Variants in TECPR2 observed in about 807,000 individuals in gnomAD.
The protein encoded by TECPR2 is tectonin beta-propeller repeat containing 2.
A neutral mutation model predicts 138.1 loss-of-function variants in TECPR2; 65 were observed. The ratio of observed to expected loss-of-function variants is 0.47; its 90% confidence interval spans 0.39 to 0.58. The LOEUF is 0.58. TECPR2 is among the 20% of genes least tolerant of loss of function. The pLI, the probability that TECPR2 is intolerant of heterozygous loss-of-function variation, is 0.00. For missense variants in TECPR2, 1,553 were observed against 1,824.5 expected (o/e 0.85, Z 2.71); for synonymous variants, 746 against 749.8 (o/e 0.99, Z 0.08).
chr14:102,453,582 TTC>T (rs1487869163), intron 16 of TECPR2, among the ~76,000 whole-genome samples: 2 of 152,180 alleles, frequency 1.3e-5, no homozygotes, highest in African/African-American at 2.4e-5. Flanking sequence ...AACATTAGAT[TTC>T]TCTCTGAGTA....
Position 102,499,525 on chromosome 14 carries a change from C to T in TECPR2, c.*1268C>T, listed in dbSNP as rs1057511608. On this transcript the variant is annotated 3_prime_UTR_variant, in exon 20 of 20. Transcript: ENST00000359520. ...ACTGGCAGGGCGGTCACGGGACCTG[C>T]GGGCTGGCTCCGAGTGGCAGCCCAT... 13 of 421,612 alleles carry T rather than the reference C, an allele frequency of 3.1e-5. No homozygotes were observed. The highest frequency in any genetic ancestry group is 4.8e-5 in the Non-Finnish European group (11 of 229,780). The allele number at this position is 421,612 out of a possible 1,614,324, so 26.1% of individuals were successfully genotyped here.
At chr14:102,496,904 C>G (rs750761826) in intron 17 of TECPR2, 75 bp from the exon 18 acceptor site, 82 of 1,572,498 alleles carry the variant, frequency 5.2e-5, no homozygotes, top group Admixed American at 1.2e-4. Flanking sequence ...AACATGTCCC[C>G]AGTTCCGGAA....
chr14:102,384,002 A>C (rs117242207), intron 2 of TECPR2, among the ~76,000 whole-genome samples: 5,993 of 150,438 alleles, frequency 0.04, 137 homozygotes, highest in Middle Eastern at 0.088. Flanking sequence ...CTCACTGCAA[A>C]CTCTGCCTCC....
At position 102,365,206 on chromosome 14, in the gene TECPR2, A is replaced by G. The variant is rs190737487; in HGVS notation, c.-73+2090A>G. Among the ~76,000 whole-genome samples, 288 of 152,350 alleles carry G rather than the reference A, an allele frequency of 1.9e-3. 1 individual carries two copies. Among genetic ancestry groups the G allele is most frequent in the African/African-American group, 6.6e-3 (276 of 41,570 alleles). ...TTATTGGTCTTTTAAAGCACCACAA[A>G]GTATACAGACTAGAAGAACATAGGT... On this transcript the variant is annotated intron_variant, in intron 1 of 19. Transcript: ENST00000359520.
chr14:102,373,967 C>G (rs1013261606), intron 1 of TECPR2, among the ~76,000 whole-genome samples: 4 of 151,298 alleles, frequency 2.6e-5, no homozygotes, highest in Non-Finnish European at 5.9e-5. Context: ...TGTAGTCCCA[C>G]CTACTCGGGA....
Position 102,438,123 on chromosome 14 carries a change from G to C in TECPR2, c.2496G>C (p.Leu832=). The part of the protein sequence containing the change: ...YIWCLDYKGG[L]FCSALPGAGL... The stretch of plus-strand genomic sequence containing the variant: ...GGTGCCTGGACTACAAAGGCGGCCT[G>C]TTCTGCAGCGCGTTGCCGGGCGCCG... The change falls in exon 10 of 20, where the codon CTG becomes CTC. Residue 832 remains leucine (L), a synonymous_variant. Coordinates refer to ENST00000359520, the MANE Select transcript of TECPR2 (RefSeq NM_014844.5). 6.2e-7 allele frequency: 1 copy of C among 1,614,054 alleles called. No individual in the cohort carries two copies. The highest frequency in any genetic ancestry group is 1.1e-5 in the South Asian group (1 of 91,082).
Position 102,482,541 on chromosome 14 carries a change from G to A in TECPR2, c.3790-14438G>A, listed in dbSNP as rs530973299. 3.5e-3 allele frequency among the ~76,000 whole-genome samples: 536 copies of A among 152,274 alleles called. 6 individuals are homozygous for A. Among genetic ancestry groups the A allele is most frequent in the African/African-American group, 0.012 (515 of 41,554 alleles). ...CCCGGGACCCAGCTGTTGTCCTAGC[G>A]TCACCTTTGACCTCCCCTCATGTTA... is the stretch of plus-strand genomic sequence containing the variant. On this transcript the variant is annotated intron_variant, in intron 17 of 19. Coordinates refer to ENST00000359520, the MANE Select transcript of TECPR2 (RefSeq NM_014844.5).
chr14:102,384,676 C>CA (rs201649482), intron 2 of TECPR2, among the ~76,000 whole-genome samples: 36,397 of 135,492 alleles, frequency 0.27, 5,335 homozygotes, highest in East Asian at 0.46. Flanking sequence ...GACACCACCT[C>CA]AAAAAAAAAT....
At chr14:102,477,552 T>G (rs1168226995) in intron 17 of TECPR2, among the ~76,000 whole-genome samples, 33 of 99,452 alleles carry the variant, frequency 3.3e-4, no homozygotes, top group African/African-American at 9.7e-4. Context: ...GTAGAGCTGG[T>G]TTTTTTTTTT....
intron 17 of TECPR2, among the ~76,000 whole-genome samples, chr14:102,489,026 G>T (rs138612110): frequency 6.6e-6 from 1 of 151,824 alleles, no homozygotes; most frequent in Non-Finnish European, 1.5e-5. Context: ...AGGACTACAG[G>T]CATGCGCCAC....
At chr14:102,372,799 A>G (rs962439358) in intron 1 of TECPR2, among the ~76,000 whole-genome samples, 1 of 152,086 alleles carries the variant, frequency 6.6e-6, no homozygotes, top group African/African-American at 2.4e-5. Context: ...AGGCACCTGT[A>G]ATCCCAGCTA....
intron 2 of TECPR2, among the ~76,000 whole-genome samples, chr14:102,386,504 AAGAATGT>A (rs961429231): frequency 1.3e-5 from 2 of 151,660 alleles, no homozygotes; most frequent in Admixed American, 1.3e-4. Context: ...TTTTTTTGGC[AAGAATGT>A]AGAATTTAGA....
In TECPR2 at chr14:102,442,698, C is replaced by T. The variant is rs540376662; in HGVS notation, c.2753-949C>T. On this transcript the variant is annotated intron_variant, in intron 11 of 19. Coordinates refer to ENST00000359520, the MANE Select transcript of TECPR2 (RefSeq NM_014844.5). Reference sequence around the variant, plus strand: ...GGAGTGTGTCGTGTAAGAAGTCCTGCCGGTGATTCCCACCTAGTTTAGTGG... The same window carrying T: ...GGAGTGTGTCGTGTAAGAAGTCCTGTCGGTGATTCCCACCTAGTTTAGTGG... Among the ~76,000 whole-genome samples the T allele has an allele frequency of 5.3e-5, 8 of 152,282 alleles. No homozygotes were observed. The South Asian group carries it at 1.7e-3, about 32-fold the overall frequency.
intron 2 of TECPR2, among the ~76,000 whole-genome samples, chr14:102,395,462 C>G (rs1296820548): frequency 6.6e-6 from 1 of 152,182 alleles, no homozygotes; most frequent in African/African-American, 2.4e-5. Context: ...AGACCAGAAG[C>G]CTGAACATCT....
rs1889144679 is a variant in TECPR2 at position 102,420,293 on chromosome 14, A to G, written c.639-4686A>G. Reference sequence around the variant, plus strand: ...TTTGTTTATGATTTTAGAATCCTGCAATACTTAGACCTTAAAAGTTGGAGC... The same window carrying G: ...TTTGTTTATGATTTTAGAATCCTGCGATACTTAGACCTTAAAAGTTGGAGC... On this transcript the variant is annotated intron_variant, in intron 5 of 19. Transcript: ENST00000359520. The surrounding 1 kb of genome is among the most constrained non-coding windows in gnomAD (Gnocchi z 4.1). Among the ~76,000 whole-genome samples, 1 of 152,208 alleles carries G rather than the reference A, an allele frequency of 6.6e-6. No homozygotes were observed. The highest frequency in any genetic ancestry group is 1.5e-5 in the Non-Finnish European group (1 of 68,036).
At position 102,500,891 on chromosome 14, in the gene TECPR2, AG is replaced by A. The variant is rs1263788266; in HGVS notation, c.*2635del. The stretch of plus-strand genomic sequence containing the variant: ...GAGCCCTGCAAGGGGAAGTCTCATT[AG>A]CCCCTTGAGACTCAGAGAGGTTAGG... On this transcript the variant is annotated 3_prime_UTR_variant, in exon 20 of 20. Transcript: ENST00000359520. 4 of 152,318 alleles carry A rather than the reference AG, an allele frequency of 2.6e-5. No homozygotes were observed. Among genetic ancestry groups the A allele is most frequent in the African/African-American group, 9.6e-5 (4 of 41,472 alleles). 9.4% of individuals were successfully genotyped at this position (152,318 alleles called of 1,614,324 possible). A position where few individuals can be genotyped will look rare whatever the true frequency, so the allele number is the denominator to read the frequency against.
rs1309372281 is a variant in TECPR2, at chr14:102,500,564, ACAG to A, written c.*2314_*2316del. The A allele has an allele frequency of 1.3e-5, 2 of 152,332 alleles. No individual in the cohort carries two copies. The highest frequency in any genetic ancestry group is 4.8e-5 in the African/African-American group (2 of 41,472). The allele number at this position is 152,332 out of a possible 1,614,324, so 9.4% of individuals were successfully genotyped here. On this transcript the variant is annotated 3_prime_UTR_variant, in exon 20 of 20. Transcript: ENST00000359520. ...GCACACGCAAAAGATGACGCCCAGCACAGCAGCAGGACACACCATGTGCCAGGA... is the reference window on the plus strand; with the variant it reads ...GCACACGCAAAAGATGACGCCCAGCACAGCAGGACACACCATGTGCCAGGA...
intron 6 of TECPR2, among the ~76,000 whole-genome samples, chr14:102,425,584 T>C (rs1303392925): frequency 1.3e-5 from 2 of 152,140 alleles, no homozygotes; most frequent in Non-Finnish European, 2.9e-5. Flanking sequence ...TTGTTGTTGT[T>C]GTTGTTGTTG....
intron 17 of TECPR2, among the ~76,000 whole-genome samples, chr14:102,469,744 C>A (rs1890619687): frequency 6.6e-6 from 1 of 152,012 alleles, no homozygotes; most frequent in Non-Finnish European, 1.5e-5. Flanking sequence ...CCCTTCTACT[C>A]CTAGAAGGAA....
Sources: allele counts gnomAD v4.1 joint callset (sites outside exome capture counted in the v4.1 genomes callset), GRCh38; gene constraint gnomAD v4.1.1; non-coding constraint Gnocchi (gnomAD v3.1); transcripts MANE v1.5; gene names NCBI Gene and HGNC (gene_info 2026-07-23, HGNC 2026-07-21).